Variants in RGS20 observed in about 807,000 individuals in gnomAD.
RGS20 encodes the protein gz-selective GTPase-activating protein.
Under a neutral mutation model 33.6 loss-of-function variants are expected in RGS20, and 30 were observed. The ratio of observed to expected loss-of-function variants is 0.89; its 90% CI spans 0.67 to 1.21. The LOEUF (loss-of-function observed/expected upper bound fraction) is 1.21. Ranked by LOEUF, RGS20 falls within the 50% of genes most tolerant of loss-of-function variation. RGS20 has a pLI of 0.00. For synonymous variants in RGS20, 208 were observed against 197.9 expected, an observed-to-expected ratio of 1.05 and a Z score of -0.43; for missense variants, 472 against 502.4, an observed-to-expected ratio of 0.94 and a Z score of 0.58.
In RGS20 at chr8:53,916,086, G is replaced by A. The variant is rs553173910; in HGVS notation, c.511-23490G>A. Among the ~76,000 whole-genome samples the A allele has an allele frequency of 4.6e-5, 7 of 152,262 alleles. No homozygotes were observed. In the East Asian group the frequency reaches 1.3e-3, roughly 29 times the overall value. ...TTGCCCAAGCTAACTGCGGTGGTAT[G>A]ACCACAGCTCACTGCAGTCTCCACC... On this transcript the variant is annotated intron_variant, in intron 2 of 5. Coordinates refer to ENST00000297313, the MANE Select transcript of RGS20 (RefSeq NM_170587.4).
In RGS20 at chr8:53,905,409, G is replaced by T. The variant is rs555352477; in HGVS notation, c.510+25807G>T. On this transcript the variant is annotated intron_variant, in intron 2 of 5. Coordinates refer to ENST00000297313, the MANE Select transcript of RGS20 (RefSeq NM_170587.4). ...TTTGATTTGATTTTTTGGTCTATTTGTGCTGAAGTCAGTGCAAGTAATTCT... is the reference window on the plus strand; with the variant it reads ...TTTGATTTGATTTTTTGGTCTATTTTTGCTGAAGTCAGTGCAAGTAATTCT... Among the ~76,000 whole-genome samples the T allele has an allele frequency of 3.3e-5, 5 of 152,262 alleles. No individual in the cohort carries two copies. In the South Asian group the frequency reaches 1.0e-3, roughly 32 times the overall value.
chr8:53,923,389 G>A (rs1032344210), intron 2 of RGS20, among the ~76,000 whole-genome samples: 2 of 152,150 alleles, frequency 1.3e-5, no homozygotes, highest in Non-Finnish European at 2.9e-5. Flanking sequence ...GAACTCAAGA[G>A]TTTGAGACCA....
chr8:53,886,549 A>T (rs992777178), intron 2 of RGS20, among the ~76,000 whole-genome samples: 1 of 152,222 alleles, frequency 6.6e-6, no homozygotes, highest in African/African-American at 2.4e-5. Flanking sequence ...ATTTTATTCT[A>T]AAGTGTAAAA....
chr8:53,946,454 G>T, intron 3 of RGS20: 1 of 592,030 alleles, frequency 1.7e-6, no homozygotes, highest in Non-Finnish European at 3.0e-6. Context: ...TTTCTCAATA[G>T]TAGAAACCAC....
chr8:53,854,089 C>T (rs1351560576), intron 1 of RGS20, among the ~76,000 whole-genome samples: 11 of 152,026 alleles, frequency 7.2e-5, no homozygotes. Flanking sequence ...CCAAATATAA[C>T]ATGGGCTTAA....
At position 53,879,427 on chromosome 8, in the gene RGS20, C is replaced by A. The variant is rs779599461; in HGVS notation, c.335C>A (p.Pro112Gln). ...TTCTCCCCCCTGCTTCCCGCCCTGC[C>A]GGCCGCCCGGCTCTCGAGGGGGCAC... The change falls in exon 2 of 6, where the codon CCG (proline) becomes CAG (glutamine). Residue 112 changes from proline (P) to glutamine (Q), a missense_variant. By Grantham distance (76) the Pro-to-Gln change is moderately conservative. This residue lies in a region of RGS20 where 319 missense variants were observed against 283.4 expected (regional missense o/e 1.13). Transcript: ENST00000297313. 65 of 1,606,700 alleles carry A rather than the reference C, an allele frequency of 4.0e-5. No individual in the cohort carries two copies. The highest frequency in any genetic ancestry group is 6.8e-6 in the Non-Finnish European group (8 of 1,177,298).
intron 2 of RGS20, chr8:53,879,747 G>A: frequency 1.4e-6 from 1 of 691,678 alleles, no homozygotes; most frequent in Non-Finnish European, 2.2e-6. Flanking sequence ...GGACGTGGCT[G>A]GGCAAGTCCT....
intron 1 of RGS20, among the ~76,000 whole-genome samples, chr8:53,871,539 C>T (rs1436509982): frequency 6.6e-6 from 1 of 151,690 alleles, no homozygotes; most frequent in Non-Finnish European, 1.5e-5. Flanking sequence ...ATCGCTTGAC[C>T]CTGAGAGGCA....
chr8:53,883,090 T>C (rs1812441757), intron 2 of RGS20, among the ~76,000 whole-genome samples: 1 of 152,196 alleles, frequency 6.6e-6, no homozygotes. Flanking sequence ...ATATTTTTTC[T>C]CCAAACCTAA....
At chr8:53,914,124 G>T (rs185803154) in intron 2 of RGS20, among the ~76,000 whole-genome samples, 1 of 147,102 alleles carries the variant, frequency 6.8e-6, no homozygotes, top group African/African-American at 2.6e-5. Flanking sequence ...TCAAACTTCT[G>T]GGCTAAAGTG....
At chr8:53,890,019 T>A (rs369775148) in intron 2 of RGS20, among the ~76,000 whole-genome samples, 35 of 152,222 alleles carry the variant, frequency 2.3e-4, no homozygotes, top group African/African-American at 7.7e-4. Context: ...CTTTGGAAAA[T>A]TTTCACTCAA....
At chr8:53,931,616 G>T (rs1813963555) in intron 2 of RGS20, among the ~76,000 whole-genome samples, 2 of 152,072 alleles carry the variant, frequency 1.3e-5, no homozygotes, top group Non-Finnish European at 1.5e-5. Context: ...TGGCAAACTG[G>T]CTGAATAGGA....
chr8:53,882,040 C>T (rs1463401794), intron 2 of RGS20, among the ~76,000 whole-genome samples: 1 of 151,958 alleles, frequency 6.6e-6, no homozygotes, highest in African/African-American at 2.4e-5. Flanking sequence ...TCTAGGGAAG[C>T]GGCGCTCCGG....
chr8:53,905,852 A>G lies in RGS20; in HGVS notation c.510+26250A>G, dbSNP rs1813150239. Among the ~76,000 whole-genome samples the G allele has an allele frequency of 1.3e-5, 2 of 152,238 alleles. 1 individual carries two copies. The highest frequency in any genetic ancestry group is 1.3e-4 in the Admixed American group (2 of 15,284). On this transcript the variant is annotated intron_variant, in intron 2 of 5. Coordinates refer to ENST00000297313, the MANE Select transcript of RGS20 (RefSeq NM_170587.4). ...GAACTCATCTTCCTTGAAGCCAAACATCTTCAGAAACTGTTTCCTTCAGGT... is the reference window on the plus strand; with the variant it reads ...GAACTCATCTTCCTTGAAGCCAAACGTCTTCAGAAACTGTTTCCTTCAGGT...
chr8:53,936,671 T>C (rs144451101), intron 2 of RGS20, among the ~76,000 whole-genome samples: 25 of 152,306 alleles, frequency 1.6e-4, no homozygotes, highest in African/African-American at 6.0e-4. Context: ...ATGGCCATAC[T>C]GCCCAAAGTA....
chr8:53,928,297 C>G (rs1469487205), intron 2 of RGS20, among the ~76,000 whole-genome samples: 1 of 152,174 alleles, frequency 6.6e-6, no homozygotes, highest in Non-Finnish European at 1.5e-5. Context: ...TAAATGATCA[C>G]TCCCACCACC....
intron 2 of RGS20, among the ~76,000 whole-genome samples, chr8:53,912,172 C>T (rs924361874): frequency 6.6e-6 from 1 of 152,058 alleles, no homozygotes; most frequent in African/African-American, 2.4e-5. Flanking sequence ...TGAAGTGCTT[C>T]ACCAGTATCG....
Position 53,883,854 on chromosome 8 carries a change from G to C in RGS20, c.510+4252G>C, listed in dbSNP as rs557195454. ...CCAGTTACTCTGGGGGCTGAGGCAG[G>C]AGAATTGCTTGAACTCAGGAGGCAG... On this transcript the variant is annotated intron_variant, in intron 2 of 5. Coordinates refer to ENST00000297313, the MANE Select transcript of RGS20 (RefSeq NM_170587.4). Among the ~76,000 whole-genome samples, 7 of 152,000 alleles carry C rather than the reference G, an allele frequency of 4.6e-5. No homozygotes were observed. The South Asian group carries it at 1.5e-3, about 32-fold the overall frequency.
chr8:53,912,682 A>C (rs545765384), intron 2 of RGS20, among the ~76,000 whole-genome samples: 1 of 152,252 alleles, frequency 6.6e-6, no homozygotes, highest in South Asian at 2.1e-4. Context: ...ATATATACAT[A>C]TGTAGTGTGC....
Sources: gnomAD v4.1 joint callset for allele counts (sites outside exome capture counted in the v4.1 genomes callset) on GRCh38, gnomAD v4.1.1 for gene constraint, gnomAD v4.1.1 regional missense constraint, MANE v1.5 for transcripts, NCBI Gene and HGNC (gene_info 2026-07-23, HGNC 2026-07-21) for gene names.